The following TUSC3 variants were observed in gnomAD, a reference collection of about 807,000 sequenced individuals.
The protein encoded by TUSC3 is dolichyl-diphosphooligosaccharide--protein glycosyltransferase subunit TUSC3.
A neutral mutation model predicts 44.8 loss-of-function variants in TUSC3; 45 were observed. The ratio of observed to expected loss-of-function variants is 1.00; its 90% CI spans 0.79 to 1.29. The LOEUF (loss-of-function observed/expected upper bound fraction) is 1.29, where lower values mean the gene tolerates loss of function less well. TUSC3 is among the 50% of genes most tolerant of loss of function. The pLI, the probability that TUSC3 is intolerant of heterozygous loss-of-function variation, is 0.00. For synonymous variants in TUSC3, 212 were observed against 152.9 expected (o/e 1.39, Z -2.85); for missense variants, 519 against 437.9 (o/e 1.19, Z -1.65).
chr8:15,665,049 C>G (rs575107467), intron 5 of TUSC3, among the ~76,000 whole-genome samples: 1 of 151,590 alleles, frequency 6.6e-6, no homozygotes, highest in East Asian at 1.9e-4. Flanking sequence ...CCTATTCATT[C>G]AGATTCTCAA....
chr8:15,476,400 T>G (rs565103291), intron 1 of TUSC3, among the ~76,000 whole-genome samples: 1 of 152,352 alleles, frequency 6.6e-6, no homozygotes, highest in East Asian at 1.9e-4. Flanking sequence ...ACTTTTGGTC[T>G]TTTTATTTAT....
rs550722935 is a variant in TUSC3, at chr8:15,489,751, A to G, written n.189+6268A>G. Among the ~76,000 whole-genome samples, 109 of 152,328 alleles carry G rather than the reference A, an allele frequency of 7.2e-4. 1 individual carries two copies. The highest frequency in any genetic ancestry group is 1.3e-3 in the Non-Finnish European group (91 of 68,034). ...GCATGAATTCAAAAGGGAGAAAAGT[A>G]TAATGAGGCATGTCTGACCCTCTCT... On this transcript the variant is annotated intron_variant and non_coding_transcript_variant, in intron 2 of 5. Coordinates refer to the TUSC3 transcript ENST00000503191.
chr8:15,425,599 G>T (rs1478721707), intron 1 of TUSC3, among the ~76,000 whole-genome samples: 2 of 152,234 alleles, frequency 1.3e-5, no homozygotes, highest in African/African-American at 2.4e-5. Context: ...TTGTATGTAA[G>T]TTCAAAGTGT....
chr8:15,658,678 CAT>C (rs956417930), intron 3 of TUSC3, among the ~76,000 whole-genome samples: 26 of 147,954 alleles, frequency 1.8e-4, no homozygotes, highest in African/African-American at 6.5e-4. Context: ...TATATATACA[CAT>C]ACAATATATA....
chr8:15,763,740 G>A (rs376579132), intron 10 of TUSC3, among the ~76,000 whole-genome samples: 1 of 151,920 alleles, frequency 6.6e-6, no homozygotes, highest in African/African-American at 2.4e-5. Flanking sequence ...CATGATTTGT[G>A]TATACTCTTT....
At chr8:15,793,136 C>G in the TUSC3 span, among the ~76,000 whole-genome samples, 1 of 152,126 alleles carries the variant, frequency 6.6e-6, no homozygotes, top group Non-Finnish European at 1.5e-5. Context: ...CACTTTTGCA[C>G]TAGATTGTTT....
intron 6 of TUSC3, among the ~76,000 whole-genome samples, chr8:15,689,863 T>TGTGTGTGTGTGTAA (rs1554475557): frequency 2.9e-3 from 43 of 14,796 alleles, no homozygotes; most frequent in African/African-American, 4.6e-3. Flanking sequence ...TGTGTGTGTG[T>TGTGTGTGTGTGTAA]ATAAATATAT....
chr8:15,847,312 T>A, the TUSC3 span, among the ~76,000 whole-genome samples: 1 of 152,194 alleles, frequency 6.6e-6, no homozygotes. Flanking sequence ...CTTGGTTAAT[T>A]TCTCTTTAAT....
intron 2 of TUSC3, among the ~76,000 whole-genome samples, chr8:15,649,093 TTATAAG>T (rs1267294155): frequency 2.0e-5 from 3 of 152,200 alleles, no homozygotes; most frequent in African/African-American, 4.8e-5. Context: ...GACAGAATTT[TTATAAG>T]TATGTTAGTT....
At position 15,458,633 on chromosome 8, in the gene TUSC3, A is replaced by G. The variant is rs1293852224; in HGVS notation, n.92-24753A>G. Among the ~76,000 whole-genome samples the G allele has an allele frequency of 5.3e-5, 8 of 152,208 alleles. No homozygotes were observed. In the East Asian group the frequency reaches 1.5e-3, roughly 29 times the overall value. On this transcript the variant is annotated intron_variant and non_coding_transcript_variant, in intron 1 of 5. Coordinates refer to the TUSC3 transcript ENST00000503191. ...TGTTATGTACCAATGATTAAGATGA[A>G]TCTATAATCTGATTCTTCCACCTGA...
intron 1 of TUSC3, among the ~76,000 whole-genome samples, chr8:15,589,423 A>C (rs1481942095): frequency 6.6e-6 from 1 of 152,200 alleles, no homozygotes; most frequent in East Asian, 1.9e-4. Flanking sequence ...ATGTGGAGCA[A>C]TTTTGGTAAA....
chr8:15,851,856 A>G, the TUSC3 span, among the ~76,000 whole-genome samples: 1 of 152,032 alleles, frequency 6.6e-6, no homozygotes, highest in Admixed American at 6.6e-5. Context: ...TGTAGGAGGG[A>G]CCCAGTGGGA....
At chr8:15,605,883 G>A (rs529745373) in intron 1 of TUSC3, among the ~76,000 whole-genome samples, 10 of 152,036 alleles carry the variant, frequency 6.6e-5, no homozygotes, top group Middle Eastern at 3.4e-3. Context: ...GCTGCATTCC[G>A]TTGCTATTAG....
intron 2 of TUSC3, among the ~76,000 whole-genome samples, chr8:15,519,700 C>T (rs900105371): frequency 3.3e-5 from 5 of 152,146 alleles, no homozygotes; most frequent in African/African-American, 1.2e-4. Flanking sequence ...GGAAAATTGT[C>T]TTCCATGAAA....
chr8:15,757,947 A>G, intron 10 of TUSC3, 92 bp downstream of exon 10: 5 of 1,508,584 alleles, frequency 3.3e-6, no homozygotes, highest in Non-Finnish European at 4.5e-6. Flanking sequence ...GTTGTAGTAA[A>G]TTACTGTTTT....
intron 1 of TUSC3, among the ~76,000 whole-genome samples, chr8:15,443,496 G>C (rs191756352): frequency 1.3e-5 from 2 of 152,034 alleles, no homozygotes; most frequent in Non-Finnish European, 2.9e-5. Context: ...AACCACCTTT[G>C]AAAATTATGA....
intron 3 of TUSC3, among the ~76,000 whole-genome samples, chr8:15,651,398 T>C (rs559310650): frequency 3.2e-4 from 48 of 152,352 alleles, no homozygotes; most frequent in African/African-American, 1.1e-3. Flanking sequence ...TCTCTCTGTT[T>C]ATGGACTGAA....
intron 1 of TUSC3, among the ~76,000 whole-genome samples, chr8:15,557,908 A>C (rs1802323246): frequency 1.3e-5 from 1 of 78,324 alleles, no homozygotes; most frequent in Admixed American, 1.5e-4. Context: ...TTTTGGGCTG[A>C]GACAATGGGG....
chr8:15,757,940 G>C (rs993435358), intron 10 of TUSC3, 85 bp downstream of exon 10: 2 of 1,490,310 alleles, frequency 1.3e-6, no homozygotes, highest in African/African-American at 2.8e-5. Context: ...AAGACAAGTT[G>C]TAGTAAATTA....
Sources: gnomAD v4.1 joint callset for allele counts (sites outside exome capture counted in the v4.1 genomes callset) on GRCh38, gnomAD v4.1.1 for gene constraint, MANE v1.5 for transcripts, NCBI Gene and HGNC (gene_info 2026-07-23, HGNC 2026-07-21) for gene names.